The following SLC16A7 variants were observed in gnomAD, a reference collection of about 807,000 sequenced individuals.
The protein encoded by SLC16A7 is monocarboxylate transporter 2.
Under a neutral mutation model 34.9 loss-of-function variants are expected in SLC16A7, and 33 were observed. The ratio of observed to expected loss-of-function variants is 0.94; its 90% CI spans 0.72 to 1.26. The LOEUF is 1.26. Ranked by LOEUF, SLC16A7 falls within the 50% of genes most tolerant of loss-of-function variation. The pLI is 0.00. For missense variants in SLC16A7, 573 were observed against 578.1 expected (o/e 0.99, Z 0.09); for synonymous variants, 201 against 206.6 (o/e 0.97, Z 0.23).
intron 3 of SLC16A7, among the ~76,000 whole-genome samples, chr12:59,748,200 T>C (rs960848541): frequency 1.3e-5 from 2 of 152,184 alleles, no homozygotes; most frequent in Non-Finnish European, 2.9e-5. Context: ...GATAGGATTT[T>C]AGCTACAAAT....
chr12:59,713,040 G>T (rs1171808820), intron 3 of SLC16A7, among the ~76,000 whole-genome samples: 2 of 150,496 alleles, frequency 1.3e-5, no homozygotes, highest in Non-Finnish European at 3.0e-5. Context: ...TCTTTTTTGA[G>T]ATGTAGTCTC....
rs117286142 is a variant in SLC16A7 at position 59,633,741 on chromosome 12, G to A, written c.-129-21411G>A. 8.7e-4 allele frequency among the ~76,000 whole-genome samples: 133 copies of A among 152,096 alleles called. 3 individuals carry two copies. The highest frequency in any genetic ancestry group is 7.5e-3 in the Admixed American group (114 of 15,260). ...TGGTGGAAGGTGAAGGGGAAGCAAA[G>A]CACATATTCCATGTCAACAGGAGAG... On this transcript the variant is annotated intron_variant, in intron 1 of 5. Transcript: ENST00000547379.
chr12:59,683,169 T>C (rs1870883439), intron 2 of SLC16A7, among the ~76,000 whole-genome samples: 1 of 152,244 alleles, frequency 6.6e-6, no homozygotes, highest in Non-Finnish European at 1.5e-5. Context: ...CATTTCCATG[T>C]AATACCTGTC....
At chr12:59,639,852 A>G (rs1384924126) in intron 1 of SLC16A7, among the ~76,000 whole-genome samples, 1 of 152,182 alleles carries the variant, frequency 6.6e-6, no homozygotes, top group Non-Finnish European at 1.5e-5. Context: ...CCACAGGTTA[A>G]GGGCTCAATC....
intron 1 of SLC16A7, among the ~76,000 whole-genome samples, chr12:59,644,419 G>A (rs1880819927): frequency 6.6e-6 from 1 of 151,816 alleles, no homozygotes; most frequent in Non-Finnish European, 1.5e-5. Context: ...ATACAAAAAT[G>A]AGCCGAACAT....
chr12:59,610,483 T>C (rs1281790539), intron 1 of SLC16A7, among the ~76,000 whole-genome samples: 2 of 152,232 alleles, frequency 1.3e-5, no homozygotes, highest in Non-Finnish European at 2.9e-5. Flanking sequence ...TGTTTTCTTC[T>C]TTTTTGAGTG....
chr12:59,668,390 A>T (rs1295968166), intron 2 of SLC16A7, among the ~76,000 whole-genome samples: 2 of 152,218 alleles, frequency 1.3e-5, no homozygotes, highest in African/African-American at 4.8e-5. Context: ...TTGCATCAGC[A>T]TGTCCTGGAT....
chr12:59,774,177 A>C (rs550088203), intron 4 of SLC16A7, among the ~76,000 whole-genome samples: 3 of 152,316 alleles, frequency 2.0e-5, no homozygotes, highest in Admixed American at 1.3e-4. Context: ...GAGACATAAG[A>C]TTGTTACAAA....
intron 1 of SLC16A7, among the ~76,000 whole-genome samples, chr12:59,649,760 C>T (rs1349057857): frequency 6.6e-6 from 1 of 152,040 alleles, no homozygotes; most frequent in Non-Finnish European, 1.5e-5. Context: ...ACCAGCCTGG[C>T]CAACATGGCG....
chr12:59,626,165 T>A (rs1376114426), intron 1 of SLC16A7, among the ~76,000 whole-genome samples: 1 of 151,830 alleles, frequency 6.6e-6, no homozygotes, highest in Non-Finnish European at 1.5e-5. Flanking sequence ...TTAATTTTTT[T>A]ATGTAAATAA....
chr12:59,631,586 A>G (rs1880186356), intron 1 of SLC16A7, among the ~76,000 whole-genome samples: 1 of 151,942 alleles, frequency 6.6e-6, no homozygotes, highest in Non-Finnish European at 1.5e-5. Context: ...AGGATGTGCA[A>G]ATTTGTTACA....
intron 2 of SLC16A7, among the ~76,000 whole-genome samples, chr12:59,662,328 T>C (rs529586997): frequency 6.6e-6 from 1 of 152,250 alleles, no homozygotes; most frequent in South Asian, 2.1e-4. Flanking sequence ...GAACTTATTG[T>C]CATGTTTTAA....
rs964304078 is a variant in SLC16A7, at chr12:59,761,250, T to G, written c.218-9969T>G. 5.2e-6 allele frequency: 4 copies of G among 765,834 alleles called. No individual in the cohort carries two copies. In the African/African-American group the frequency reaches 7.3e-5, roughly 14 times the overall value. The allele number at this position is 765,834 out of a possible 1,614,324, so 47.4% of individuals were successfully genotyped here. ...ATACTTGGTTGATAAGATTTAGATT[T>G]CTTTTTTCATCTTCTGTTTTAGAAG... is the stretch of plus-strand genomic sequence containing the variant. On this transcript the variant is annotated intron_variant, in intron 3 of 5. Coordinates refer to ENST00000547379, the MANE Select transcript of SLC16A7 (RefSeq NM_001270623.2).
intron 2 of SLC16A7, among the ~76,000 whole-genome samples, chr12:59,691,856 G>T (rs1382085912): frequency 6.6e-6 from 1 of 151,928 alleles, no homozygotes; most frequent in African/African-American, 2.4e-5. Flanking sequence ...GACATCATGT[G>T]TCTTTGCATA....
At chr12:59,645,827 A>G (rs1330415591) in intron 1 of SLC16A7, among the ~76,000 whole-genome samples, 1 of 152,122 alleles carries the variant, frequency 6.6e-6, no homozygotes, top group East Asian at 1.9e-4. Flanking sequence ...TTTGACCAAA[A>G]TGCTGATAGT....
rs778692205 is a variant in SLC16A7 at position 59,775,085 on chromosome 12, C to T, written c.790C>T (p.Pro264Ser). Residue 264 changes from proline (P) to serine (S), a missense_variant, in exon 5 of 6, where the codon CCC (proline) becomes TCC (serine). Pro to Ser is a moderately conservative substitution (Grantham distance 74). Coordinates refer to ENST00000547379, the MANE Select transcript of SLC16A7 (RefSeq NM_001270623.2). ...NVIMFLGFFA[P>S]IIFLAPYAKD... ...CATTATGTTCCTAGGTTTTTTTGCCCCCATTATATTCTTGGCTCCATATGC... is the reference window on the plus strand; with the variant it reads ...CATTATGTTCCTAGGTTTTTTTGCCTCCATTATATTCTTGGCTCCATATGC... 4 of 1,613,676 alleles carry T rather than the reference C, an allele frequency of 2.5e-6. No individual in the cohort carries two copies. The highest frequency in any genetic ancestry group is 1.7e-6 in the Non-Finnish European group (2 of 1,179,860).
At chr12:59,673,164 G>C (rs1870027750) in intron 2 of SLC16A7, among the ~76,000 whole-genome samples, 1 of 152,072 alleles carries the variant, frequency 6.6e-6, no homozygotes, top group African/African-American at 2.4e-5. Context: ...AAGCATGTCA[G>C]AACGATTTTG....
At chr12:59,708,662 C>T (rs1873862652) in intron 3 of SLC16A7, among the ~76,000 whole-genome samples, 1 of 152,064 alleles carries the variant, frequency 6.6e-6, no homozygotes, top group Non-Finnish European at 1.5e-5. Flanking sequence ...TAGCAGTCAA[C>T]CTATTAATCA....
In SLC16A7 at chr12:59,784,086, C is replaced by T. The variant is rs1418143170; in HGVS notation, c.*4407C>T. 6.6e-6 allele frequency: 1 copy of T among 152,100 alleles called. No individual in the cohort carries two copies. Among genetic ancestry groups the T allele is most frequent in the East Asian group, 1.9e-4 (1 of 5,196 alleles). 9.4% of individuals were successfully genotyped at this position (152,100 alleles called of 1,614,324 possible). ...ATTACTTCAATATGACTCTTTTTCT[C>T]ATAAAAATAATGACATATTTGAGTC... is the stretch of plus-strand genomic sequence containing the variant. On this transcript the variant is annotated 3_prime_UTR_variant, in exon 6 of 6. Coordinates refer to ENST00000547379, the MANE Select transcript of SLC16A7 (RefSeq NM_001270623.2).
Sources: allele counts gnomAD v4.1 joint callset (sites outside exome capture counted in the v4.1 genomes callset), GRCh38; gene constraint gnomAD v4.1.1; transcripts MANE v1.5; gene names NCBI Gene and HGNC (gene_info 2026-07-23, HGNC 2026-07-21).